Variants in OLFM3 observed in about 807,000 individuals in gnomAD.
OLFM3 encodes the protein noelin-3.
OLFM3 carries 20 observed loss-of-function variants against 48.6 expected under a neutral mutation model. That is an observed-to-expected ratio of 0.41 (90% CI 0.29 to 0.60). The LOEUF (loss-of-function observed/expected upper bound fraction) is 0.60, where lower values mean the gene tolerates loss of function less well. Ranked by LOEUF, OLFM3 falls within the 20% of genes least tolerant of loss-of-function variation. OLFM3 has a pLI of 0.28. For synonymous variants in OLFM3, 222 were observed against 198.1 expected (o/e 1.12, Z -1.01); for missense variants, 437 against 544.3 (o/e 0.80, Z 1.96).
At chr1:101,924,708 C>T (rs1044346297) in intron 1 of OLFM3, among the ~76,000 whole-genome samples, 5 of 152,132 alleles carry the variant, frequency 3.3e-5, no homozygotes, top group Admixed American at 2.0e-4. Context: ...ATTTAATTCC[C>T]ATAATGGTTA....
intron 1 of OLFM3, among the ~76,000 whole-genome samples, chr1:101,975,350 T>C (rs1660923506): frequency 1.3e-5 from 2 of 152,234 alleles, no homozygotes; most frequent in African/African-American, 4.8e-5. Context: ...TGTATGCTGA[T>C]GCTTTTACTT....
chr1:101,926,361 G>C (rs1044128162), intron 1 of OLFM3, among the ~76,000 whole-genome samples: 2 of 151,996 alleles, frequency 1.3e-5, no homozygotes, highest in Non-Finnish European at 2.9e-5. Flanking sequence ...TCTTAACTTT[G>C]ACAGTATGAT....
chr1:101,836,640 T>C (rs924341511), intron 2 of OLFM3, among the ~76,000 whole-genome samples: 8 of 151,298 alleles, frequency 5.3e-5, no homozygotes, highest in African/African-American at 1.7e-4. Flanking sequence ...TTAAGATATA[T>C]GGTAGAGAGC....
At chr1:101,960,465 A>G (rs1325275025) in intron 1 of OLFM3, among the ~76,000 whole-genome samples, 1 of 152,170 alleles carries the variant, frequency 6.6e-6, no homozygotes, top group Non-Finnish European at 1.5e-5. Flanking sequence ...CCACTTGCCT[A>G]GAAGAAATTA....
chr1:101,865,721 C>A (rs72987960), intron 1 of OLFM3, among the ~76,000 whole-genome samples: 5,272 of 152,264 alleles, frequency 0.035, 320 homozygotes, highest in African/African-American at 0.12. Context: ...GAGACACTGG[C>A]TGTAGTGCTA....
intron 1 of OLFM3, among the ~76,000 whole-genome samples, chr1:101,923,597 A>G (rs1192038355): frequency 6.6e-6 from 1 of 152,130 alleles, no homozygotes; most frequent in Non-Finnish European, 1.5e-5. Flanking sequence ...ATTCTAACAA[A>G]TAAAATGTAT....
chr1:101,845,141 CTTCTTCTTATTATTATT>C (rs1367881379), intron 1 of OLFM3, among the ~76,000 whole-genome samples: 1 of 151,772 alleles, frequency 6.6e-6, no homozygotes, highest in Non-Finnish European at 1.5e-5. Flanking sequence ...TGCTTTTGTT[CTTCTTCTTATTATTATT>C]TTCTTCTTCT....
chr1:101,928,100 G>T (rs185796681), intron 1 of OLFM3, among the ~76,000 whole-genome samples: 1 of 152,024 alleles, frequency 6.6e-6, no homozygotes, highest in African/African-American at 2.4e-5. Context: ...TTGAATGAAT[G>T]AATCAAAACA....
At chr1:101,988,591 A>G (rs1661314099) in intron 1 of OLFM3, among the ~76,000 whole-genome samples, 1 of 152,112 alleles carries the variant, frequency 6.6e-6, no homozygotes. Flanking sequence ...TTCATGAATC[A>G]TTTAACCCAG....
At chr1:101,941,984 T>C (rs980345770) in intron 1 of OLFM3, among the ~76,000 whole-genome samples, 3 of 152,150 alleles carry the variant, frequency 2.0e-5, no homozygotes, top group African/African-American at 7.2e-5. Context: ...TTCAAGAAAA[T>C]GTTTTTATCC....
intron 4 of OLFM3, chr1:101,812,357 C>T (rs1654108217): frequency 1.1e-6 from 1 of 891,480 alleles, no homozygotes. Context: ...TAAAATTAAA[C>T]TTCAAAGTGA....
chr1:101,929,818 T>C (rs1008906169), intron 1 of OLFM3, among the ~76,000 whole-genome samples: 1 of 152,144 alleles, frequency 6.6e-6, no homozygotes, highest in Admixed American at 6.6e-5. Context: ...GCTTGATTAG[T>C]TCTAAATGTT....
At chr1:101,841,267 C>G (rs181338755) in intron 1 of OLFM3, among the ~76,000 whole-genome samples, 4 of 152,088 alleles carry the variant, frequency 2.6e-5, no homozygotes, top group Non-Finnish European at 4.4e-5. Flanking sequence ...TTTTCTTGAA[C>G]GAACTATCCT....
At chr1:101,826,266 C>T (rs1654861788) in intron 3 of OLFM3, among the ~76,000 whole-genome samples, 1 of 151,838 alleles carries the variant, frequency 6.6e-6, no homozygotes, top group Admixed American at 6.6e-5. Flanking sequence ...AGACATGTCA[C>T]CGTTACTTCT....
intron 1 of OLFM3, among the ~76,000 whole-genome samples, chr1:101,857,847 G>A (rs535194867): frequency 5.3e-5 from 8 of 152,066 alleles, no homozygotes; most frequent in Admixed American, 3.3e-4. Flanking sequence ...TGCCTAGGCC[G>A]TATGGCTGCA....
At chr1:101,832,790 G>A (rs1655226548) in intron 2 of OLFM3, among the ~76,000 whole-genome samples, 1 of 152,154 alleles carries the variant, frequency 6.6e-6, no homozygotes, top group African/African-American at 2.4e-5. Context: ...CAGCATTATA[G>A]GAATGTAAGT....
chr1:101,828,891 AG>A (rs1480356754), intron 3 of OLFM3, among the ~76,000 whole-genome samples: 3 of 152,186 alleles, frequency 2.0e-5, no homozygotes, highest in African/African-American at 7.2e-5. Flanking sequence ...TCTAACCCTG[AG>A]AATTGAAAAT....
intron 1 of OLFM3, among the ~76,000 whole-genome samples, chr1:101,883,761 T>C (rs1423586709): frequency 1.3e-5 from 2 of 152,030 alleles, no homozygotes; most frequent in South Asian, 2.1e-4. Context: ...ATTGCATTTT[T>C]GTATTCTCAA....
intron 1 of OLFM3, among the ~76,000 whole-genome samples, chr1:101,985,171 A>C (rs1349613741): frequency 7.9e-5 from 12 of 152,048 alleles, no homozygotes; most frequent in African/African-American, 2.2e-4. Context: ...TCTTTTTCTG[A>C]TTCTGGGCCT....
Sources: allele counts gnomAD v4.1 joint callset (sites outside exome capture counted in the v4.1 genomes callset), GRCh38; gene constraint gnomAD v4.1.1; transcripts MANE v1.5; gene names NCBI Gene and HGNC (gene_info 2026-07-23, HGNC 2026-07-21).